The following KCTD3 variants were observed in gnomAD, a reference collection of about 807,000 sequenced individuals.
The protein encoded by KCTD3 is potassium channel tetramerization domain containing 3.
KCTD3 carries 41 observed loss-of-function variants against 85.8 expected under a neutral mutation model. The observed-to-expected ratio is 0.48, with a 90% CI of 0.37 to 0.62. The LOEUF (loss-of-function observed/expected upper bound fraction) is 0.62. Among genes scored for constraint, KCTD3 ranks in the 20% least tolerant of loss-of-function variants. KCTD3 has a pLI of 0.00. For missense variants in KCTD3, 724 were observed against 989.9 expected, an observed-to-expected ratio of 0.73 and a Z score of 3.60; for synonymous variants, 338 against 345.4, an observed-to-expected ratio of 0.98 and a Z score of 0.24.
chr1:215,592,388 G>A (rs1488394637), intron 9 of KCTD3, among the ~76,000 whole-genome samples: 1 of 151,674 alleles, frequency 6.6e-6, no homozygotes, highest in East Asian at 1.9e-4. Flanking sequence ...TGTTACTGCT[G>A]TTTTAAAGTG....
Position 215,604,175 on chromosome 1 carries a change from TG to T in KCTD3, c.1184del (p.Gly395GlufsTer5). On this transcript the variant is annotated frameshift_variant, in exon 13 of 18. Coordinates refer to ENST00000259154, the MANE Select transcript of KCTD3 (RefSeq NM_016121.5). LOFTEE classifies it high-confidence loss of function. ...TCGAGATCGCCTATGGTACGAGCTC[TG>T]GAGCAGTACGAGTGATTGTACAACA... ...WIEIAYGTSS[G>X]AVRVIVQHPE... is the part of the protein sequence containing the mutation. 6.2e-7 allele frequency: 1 copy of T among 1,613,866 alleles called. No individual in the cohort carries two copies. Among genetic ancestry groups the T allele is most frequent in the Non-Finnish European group, 8.5e-7 (1 of 1,179,840 alleles).
chr1:215,612,807 C>T (rs1326520537), intron 15 of KCTD3, among the ~76,000 whole-genome samples: 1 of 152,122 alleles, frequency 6.6e-6, no homozygotes, highest in Non-Finnish European at 1.5e-5. Flanking sequence ...AATAGATGTA[C>T]AGTAGAAGTT....
chr1:215,619,339 G>A lies in KCTD3; in HGVS notation c.1886+48G>A, dbSNP rs1238681404. On this transcript the variant is annotated intron_variant, in intron 17 of 17. Coordinates refer to ENST00000259154, the MANE Select transcript of KCTD3 (RefSeq NM_016121.5). ...ATAAACAAAATTTATTTCTTTTGGG[G>A]AAATTGACTGAAATATTGTAATCAC... is the stretch of plus-strand genomic sequence containing the variant. 6 of 1,434,598 alleles carry A rather than the reference G, an allele frequency of 4.2e-6. No individual in the cohort carries two copies. In the Admixed American group the frequency reaches 9.0e-5, roughly 21 times the overall value. The allele number at this position is 1,434,598 out of a possible 1,614,324, so 88.9% of individuals were successfully genotyped here. A position where few individuals can be genotyped will look rare whatever the true frequency, so the allele number is the denominator to read the frequency against.
chr1:215,620,442 G>A lies in KCTD3; in HGVS notation c.2272G>A (p.Gly758Arg). 1 of 1,613,718 alleles carries A rather than the reference G, an allele frequency of 6.2e-7. No individual in the cohort carries two copies. The highest frequency in any genetic ancestry group is 2.2e-5 in the East Asian group (1 of 44,866). Residue 758 changes from glycine (G) to arginine (R), a missense_variant, in exon 18 of 18, where the codon GGA becomes AGA. Coordinates refer to ENST00000259154, the MANE Select transcript of KCTD3 (RefSeq NM_016121.5). ...TAAAATAGAGTTTAGGAAGAAAGGAGGATTTGAAGGGGGAGGATTCCTTGG... is the reference window on the plus strand; with the variant it reads ...TAAAATAGAGTTTAGGAAGAAAGGAAGATTTGAAGGGGGAGGATTCCTTGG... Reference protein sequence around the residue: ...ENKIEFRKKGGFEGGGFLGRK... With the variant: ...ENKIEFRKKGRFEGGGFLGRK...
Position 215,603,368 on chromosome 1 carries a change from T to C in KCTD3, c.1139-764T>C, listed in dbSNP as rs192665352. Among the ~76,000 whole-genome samples, 2 of 152,272 alleles carry C rather than the reference T, an allele frequency of 1.3e-5. 1 individual carries two copies. The highest frequency in any genetic ancestry group is 4.8e-5 in the African/African-American group (2 of 41,556). Reference sequence around the variant, plus strand: ...ACTAGAACAGCCAGTAAAGCTAAGATGTTCTCTATCCATGAAGCTTTTAAG... The same window carrying C: ...ACTAGAACAGCCAGTAAAGCTAAGACGTTCTCTATCCATGAAGCTTTTAAG... On this transcript the variant is annotated intron_variant, in intron 12 of 17. Coordinates refer to ENST00000259154, the MANE Select transcript of KCTD3 (RefSeq NM_016121.5).
chr1:215,573,291 G>A (rs145413712), intron 1 of KCTD3, among the ~76,000 whole-genome samples: 145 of 152,206 alleles, frequency 9.5e-4, no homozygotes, highest in Non-Finnish European at 1.8e-3. Context: ...TATCAAGAAA[G>A]ATGGACGGAT....
intron 17 of KCTD3, 111 bp downstream of exon 17, chr1:215,619,402 TTTAAATTCAGACATTATG>T: frequency 1.1e-6 from 1 of 911,744 alleles, no homozygotes; most frequent in Admixed American, 2.7e-5. Flanking sequence ...CAAGGTACAT[TTTAAATTCAGACATTATG>T]TTAACTTTTT....
intron 15 of KCTD3, 28 bp downstream of exon 15, chr1:215,611,949 A>G (rs763060290): frequency 7.1e-5 from 100 of 1,411,070 alleles, no homozygotes; most frequent in Non-Finnish European, 9.8e-5. Context: ...AAATATTTGT[A>G]TTCAGAAGCC....
At chr1:215,596,673 C>A (rs1042522739) in intron 10 of KCTD3, among the ~76,000 whole-genome samples, 4 of 152,012 alleles carry the variant, frequency 2.6e-5, no homozygotes, top group African/African-American at 9.7e-5. Flanking sequence ...AGAGAGACAG[C>A]AAATTCAAAT....
chr1:215,591,498 C>T (rs1354356812), intron 9 of KCTD3, among the ~76,000 whole-genome samples: 4 of 152,122 alleles, frequency 2.6e-5, no homozygotes, highest in Non-Finnish European at 5.9e-5. Context: ...GCTGGGACTA[C>T]AGGCACATGC....
chr1:215,612,033 G>A, intron 15 of KCTD3, 112 bp downstream of exon 15: 2 of 679,252 alleles, frequency 2.9e-6, no homozygotes, highest in Non-Finnish European at 5.3e-6. Flanking sequence ...CAAATTGTTG[G>A]GACAGAAGTC....
chr1:215,608,444 A>G (rs1655114212), intron 14 of KCTD3, among the ~76,000 whole-genome samples: 1 of 144,516 alleles, frequency 6.9e-6, no homozygotes, highest in Non-Finnish European at 1.5e-5. Context: ...CATGTTAACT[A>G]CTTTTATTTA....
chr1:215,613,674 G>C (rs1220396066), intron 15 of KCTD3, among the ~76,000 whole-genome samples: 1 of 152,084 alleles, frequency 6.6e-6, no homozygotes, highest in Non-Finnish European at 1.5e-5. Context: ...GTTGATTTTT[G>C]TATGTAGTAA....
chr1:215,583,953 A>G (rs578147513), intron 8 of KCTD3, among the ~76,000 whole-genome samples: 1 of 152,244 alleles, frequency 6.6e-6, no homozygotes, highest in Non-Finnish European at 1.5e-5. Flanking sequence ...AGTATATTCT[A>G]CAATAACAAG....
rs1486260676 is a variant in KCTD3, at chr1:215,585,227, G to A, written c.627-1268G>A. Among the ~76,000 whole-genome samples, 6 of 152,308 alleles carry A rather than the reference G, an allele frequency of 3.9e-5. No individual in the cohort carries two copies. In the East Asian group the frequency reaches 1.2e-3, roughly 29 times the overall value. On this transcript the variant is annotated intron_variant, in intron 8 of 17. Transcript: ENST00000259154. ...TAGTGTTTATTAGGTAAGTATTTAA[G>A]TATTTTCATTTGTTTATCTTAACAA... is the stretch of plus-strand genomic sequence containing the variant.
intron 8 of KCTD3, among the ~76,000 whole-genome samples, chr1:215,580,455 C>T (rs1659773852): frequency 1.3e-5 from 2 of 151,986 alleles, no homozygotes; most frequent in Admixed American, 6.5e-5. Context: ...AGTTATTGCA[C>T]AAGTGGTATA....
At chr1:215,594,012 A>G (rs1660318699) in intron 9 of KCTD3, among the ~76,000 whole-genome samples, 1 of 151,944 alleles carries the variant, frequency 6.6e-6, no homozygotes, top group East Asian at 1.9e-4. Flanking sequence ...GGCGTGTGCT[A>G]CCATACCCAG....
chr1:215,586,448 C>T lies in KCTD3; in HGVS notation c.627-47C>T. On this transcript the variant is annotated intron_variant, in intron 8 of 17. Transcript: ENST00000259154. ...GGTGCATTGATGTGTATTCCGTTTG[C>T]TTCATTGCTGCTGAGTCTACCTTAT... The T allele has an allele frequency of 2.0e-6, 3 of 1,477,940 alleles. No homozygotes were observed. The African/African-American group carries it at 4.2e-5, about 21-fold the overall frequency. The allele number at this position is 1,477,940 out of a possible 1,614,324, so 91.6% of individuals were successfully genotyped here.
intron 12 of KCTD3, among the ~76,000 whole-genome samples, chr1:215,603,432 A>G (rs1025513317): frequency 2.6e-5 from 4 of 152,110 alleles, no homozygotes; most frequent in East Asian, 1.9e-4. Flanking sequence ...TAAATTTGCA[A>G]TGGGGTCTGG....
Sources: allele counts gnomAD v4.1 joint callset (sites outside exome capture counted in the v4.1 genomes callset), GRCh38; gene constraint gnomAD v4.1.1; transcripts MANE v1.5; gene names NCBI Gene and HGNC (gene_info 2026-07-23, HGNC 2026-07-21).